PXN: variants seen among roughly 807,000 people sequenced by gnomAD.
PXN encodes testicular tissue protein Li 134.
In PXN, 61 loss-of-function variants were observed where a neutral mutation model predicts 103.6. The observed-to-expected ratio is 0.59, with a 90% CI of 0.48 to 0.73. PXN has a LOEUF of 0.73. Ranked by LOEUF, PXN falls within the 30% of genes least tolerant of loss-of-function variation. The pLI, the probability that PXN is intolerant of heterozygous loss-of-function variation, is 0.00. For synonymous variants in PXN, 562 were observed against 607.8 expected (o/e 0.92, Z 1.11); for missense variants, 1,274 against 1,460.3 (o/e 0.87, Z 2.08).
rs1448876221 is a variant in PXN, at chr12:120,222,845, C to G, written c.493+18G>C. The G allele has an allele frequency of 1.2e-6, 2 of 1,612,580 alleles. No individual in the cohort carries two copies. The highest frequency in any genetic ancestry group is 1.7e-6 in the Non-Finnish European group (2 of 1,179,260). On this transcript the variant is annotated intron_variant, in intron 4 of 14. Coordinates refer to ENST00000637617, the MANE Select transcript of PXN (RefSeq NM_001385981.1). The surrounding 1 kb of genome is among the most constrained non-coding windows in gnomAD (Gnocchi z 4.7). ...GCCCTGGGCCCTGGTAGACCCTGCC[C>G]CAGGGACCCGGTCCTACCTGCAGGG...
chr12:120,238,163 T>C (rs1328062482), intron 1 of PXN, among the ~76,000 whole-genome samples: 1 of 152,098 alleles, frequency 6.6e-6, no homozygotes, highest in Non-Finnish European at 1.5e-5. Flanking sequence ...GATATTTTCC[T>C]GAAACAAAAA....
intron 3 of PXN, 112 bp downstream of exon 3, chr12:120,223,606 A>C (rs911146518): frequency 3.9e-6 from 3 of 764,918 alleles, no homozygotes; most frequent in Non-Finnish European, 6.2e-6. Flanking sequence ...GAATAACCCC[A>C]CAAGGCCCAG....
Position 120,229,412 on chromosome 12 carries a change from G to C in PXN, c.14-5035C>G, listed in dbSNP as rs922875401. Among the ~76,000 whole-genome samples, 6 of 152,138 alleles carry C rather than the reference G, an allele frequency of 3.9e-5. No homozygotes were observed. The highest frequency in any genetic ancestry group is 7.3e-5 in the Non-Finnish European group (5 of 68,028). On this transcript the variant is annotated intron_variant, in intron 1 of 14. Transcript: ENST00000637617. This position sits in a 1 kb window ranked among gnomAD's most constrained non-coding sequence, Gnocchi z 4.0. ...GGAGATAAAAGTCCATCTCTCTGAG[G>C]GGGTGGGAGGACCCAGAGCGATTCC...
chr12:120,248,449 T>C (rs1314297480), intron 1 of PXN, among the ~76,000 whole-genome samples: 1 of 149,246 alleles, frequency 6.7e-6, no homozygotes, highest in African/African-American at 2.5e-5. Context: ...TTTCCTCAAT[T>C]ACTGCACCCC....
Position 120,215,686 on chromosome 12 carries a change from T to G in PXN, c.2302-25A>C. On this transcript the variant is annotated intron_variant, in intron 9 of 14. Coordinates refer to ENST00000637617, the MANE Select transcript of PXN (RefSeq NM_001385981.1). This position sits in a 1 kb window ranked among gnomAD's most constrained non-coding sequence, Gnocchi z 4.9. ...TCTTAGATAGGGGAAGAGATGAGGG[T>G]AAGAAATCTTTTTTAAAAATTAAGA... The G allele has an allele frequency of 6.4e-7, 1 of 1,571,690 alleles. No individual in the cohort carries two copies. Among genetic ancestry groups the G allele is most frequent in the East Asian group, 2.3e-5 (1 of 44,068 alleles).
Position 120,213,958 on chromosome 12 carries a change from G to T in PXN, c.2863C>A (p.Arg955Ser). ...FHEKDGKAYC[R>S]KDYFDMFAPK... ...GCGAACATGTCGAAGTAGTCCTTGC[G>T]ACAGTAGGCCTTGCCGTCCTTCTCG... is the stretch of plus-strand genomic sequence containing the variant. The change falls in exon 14 of 15, where the codon CGC becomes AGC. Residue 955 changes from arginine (R) to serine (S), a missense_variant. This residue lies in a region of PXN where 1,178 missense variants were observed against 1,309.0 expected (regional missense o/e 0.90). Coordinates refer to ENST00000637617, the MANE Select transcript of PXN (RefSeq NM_001385981.1). The surrounding 1 kb of genome is among the most constrained non-coding windows in gnomAD (Gnocchi z 4.2). The T allele has an allele frequency of 6.2e-7, 1 of 1,612,620 alleles. No homozygotes were observed. Among genetic ancestry groups the T allele is most frequent in the Middle Eastern group, 1.7e-4 (1 of 6,060 alleles).
chr12:120,221,703 T>A lies in PXN; in HGVS notation c.751A>T (p.Thr251Ser). 1 of 1,570,872 alleles carries A rather than the reference T, an allele frequency of 6.4e-7. No homozygotes were observed. Among genetic ancestry groups the A allele is most frequent in the Non-Finnish European group, 8.6e-7 (1 of 1,158,406 alleles). ...GCCGAGATGCGTGTCTGCTGTTGGG[T>A]GGAGGTGACGCGCTGCGGGCTGCTC... ...EMSSPQRVTS[T>S]QQQTRISASS... Residue 251 changes from threonine (T) to serine (S), a missense_variant, in exon 6 of 15, where the codon ACC becomes TCC. Around this residue, in one of 2 missense-constraint regions of PXN, gnomAD observed 1,178 missense variants for 1,309.0 expected, o/e 0.90. Coordinates refer to ENST00000637617, the MANE Select transcript of PXN (RefSeq NM_001385981.1). This position sits in a 1 kb window ranked among gnomAD's most constrained non-coding sequence, Gnocchi z 6.6.
intron 1 of PXN, among the ~76,000 whole-genome samples, chr12:120,232,994 G>A (rs1888353611): frequency 6.6e-6 from 1 of 152,112 alleles, no homozygotes; most frequent in South Asian, 2.1e-4. Context: ...TGGTCACTAA[G>A]TCACATCAAT....
rs891354309 is a variant in PXN at position 120,222,406 on chromosome 12, G to A, written c.695+143C>T. On this transcript the variant is annotated intron_variant, in intron 5 of 14. Coordinates refer to ENST00000637617, the MANE Select transcript of PXN (RefSeq NM_001385981.1). The surrounding 1 kb of genome is among the most constrained non-coding windows in gnomAD (Gnocchi z 4.7). ...CTGAAGGCAGGGATGGTGTCCATGT[G>A]ACTCACCACTATCCCCCCAGTGCCT... The A allele has an allele frequency of 1.1e-6, 1 of 949,920 alleles. No individual in the cohort carries two copies. The highest frequency in any genetic ancestry group is 1.5e-6 in the Non-Finnish European group (1 of 652,450). The allele number at this position is 949,920 out of a possible 1,614,324, so 58.8% of individuals were successfully genotyped here.
At chr12:120,255,682 A>C (rs1328330320) in intron 1 of PXN, among the ~76,000 whole-genome samples, 1 of 151,952 alleles carries the variant, frequency 6.6e-6, no homozygotes, top group Non-Finnish European at 1.5e-5. Flanking sequence ...TGACAGAGAA[A>C]GACTCTGTCT....
In PXN at chr12:120,217,938, T is replaced by C. The variant is rs2136231164; in HGVS notation, c.1717-822A>G. On this transcript the variant is annotated intron_variant, in intron 7 of 14. Coordinates refer to ENST00000637617, the MANE Select transcript of PXN (RefSeq NM_001385981.1). This position sits in a 1 kb window ranked among gnomAD's most constrained non-coding sequence, Gnocchi z 4.1. Reference sequence around the variant, plus strand: ...TAACTAGTTTTTTTTTTCTTATTTATATTATTATGCTAATATTATATTATG... The same window carrying C: ...TAACTAGTTTTTTTTTTCTTATTTACATTATTATGCTAATATTATATTATG... Among the ~76,000 whole-genome samples the C allele has an allele frequency of 6.6e-6, 1 of 151,734 alleles. No individual in the cohort carries two copies. Among genetic ancestry groups the C allele is most frequent in the South Asian group, 2.1e-4 (1 of 4,808 alleles).
intron 1 of PXN, among the ~76,000 whole-genome samples, chr12:120,244,232 T>C (rs1051588957): frequency 6.7e-6 from 1 of 150,146 alleles, no homozygotes; most frequent in Non-Finnish European, 1.5e-5. Context: ...AACAAAAAAA[T>C]AGCTGGGCAT....
chr12:120,243,954 A>G (rs1566422878), intron 1 of PXN, among the ~76,000 whole-genome samples: 1 of 151,952 alleles, frequency 6.6e-6, no homozygotes, highest in African/African-American at 2.4e-5. Context: ...CTAGCATATA[A>G]TAGGGGCTCC....
At position 120,224,441 on chromosome 12, in the gene PXN, GCCCT is replaced by G; in HGVS notation, c.14-68_14-65del. ...ATCCTGGGGACTCTCCCGTGGCAGG[GCCCT>G]CCCTGCCTGCACCTCAAGAGTTAAT... On this transcript the variant is annotated intron_variant, in intron 1 of 14. Transcript: ENST00000637617. The surrounding 1 kb of genome is among the most constrained non-coding windows in gnomAD (Gnocchi z 5.0). The G allele has an allele frequency of 1.2e-5, 14 of 1,160,890 alleles. No individual in the cohort carries two copies. The highest frequency in any genetic ancestry group is 2.3e-5 in the East Asian group (1 of 42,846). 71.9% of individuals were successfully genotyped at this position (1,160,890 alleles called of 1,614,324 possible). A position where few individuals can be genotyped will look rare whatever the true frequency, so the allele number is the denominator to read the frequency against.
intron 1 of PXN, among the ~76,000 whole-genome samples, chr12:120,254,334 TG>T (rs1396294074): frequency 8.5e-5 from 13 of 152,146 alleles, no homozygotes; most frequent in Admixed American, 7.9e-4. Context: ...ATCTAATGTA[TG>T]ATATGAGGGC....
At chr12:120,230,048 C>T (rs928486361) in intron 1 of PXN, among the ~76,000 whole-genome samples, 2 of 152,204 alleles carry the variant, frequency 1.3e-5, no homozygotes, top group Non-Finnish European at 2.9e-5. Flanking sequence ...GAGAGGCCCA[C>T]GTAAGAACAA....
Position 120,219,331 on chromosome 12 carries a change from G to T in PXN, c.1592C>A (p.Thr531Asn). Reference sequence around the variant, plus strand: ...CGTGGTGCCCTCTGGGCTCCTTGGGGTTTCAGGTCCCTGGGTTGGCCTGGC... The same window carrying T: ...CGTGGTGCCCTCTGGGCTCCTTGGGTTTTCAGGTCCCTGGGTTGGCCTGGC... ...SVARPTQGPETPRSPEGTTEA... is the reference protein window; with the variant it reads ...SVARPTQGPENPRSPEGTTEA... The change falls in exon 7 of 15, where the codon ACC becomes AAC. Residue 531 changes from threonine to asparagine, a missense_variant. This residue lies in a region of PXN where 1,178 missense variants were observed against 1,309.0 expected (regional missense o/e 0.90). Coordinates refer to ENST00000637617, the MANE Select transcript of PXN (RefSeq NM_001385981.1). The surrounding 1 kb of genome is among the most constrained non-coding windows in gnomAD (Gnocchi z 6.5). 6.3e-7 allele frequency: 1 copy of T among 1,598,446 alleles called. No individual in the cohort carries two copies. The highest frequency in any genetic ancestry group is 8.5e-7 in the Non-Finnish European group (1 of 1,179,816).
rs982501276 is a variant in PXN, at chr12:120,216,072, C to A, written c.2301+201G>T. 13 of 1,307,894 alleles carry A rather than the reference C, an allele frequency of 9.9e-6. No homozygotes were observed. The highest frequency in any genetic ancestry group is 2.0e-4 in the Middle Eastern group (1 of 5,058). 81.0% of individuals were successfully genotyped at this position (1,307,894 alleles called of 1,614,324 possible). On this transcript the variant is annotated intron_variant, in intron 9 of 14. Coordinates refer to ENST00000637617, the MANE Select transcript of PXN (RefSeq NM_001385981.1). This position sits in a 1 kb window ranked among gnomAD's most constrained non-coding sequence, Gnocchi z 5.1. The stretch of plus-strand genomic sequence containing the variant: ...AGACATGGGTGGACCCACAGAAAAG[C>A]AAGAGGGCAGCGGACCTTCTGAGTG...
chr12:120,238,386 G>A (rs909601629), intron 1 of PXN, among the ~76,000 whole-genome samples: 1 of 152,174 alleles, frequency 6.6e-6, no homozygotes, highest in South Asian at 2.1e-4. Flanking sequence ...GCCTGTGCCC[G>A]GGGGTTCATG....
Sources: gnomAD v4.1 joint callset for allele counts (sites outside exome capture counted in the v4.1 genomes callset) on GRCh38, gnomAD v4.1.1 for gene constraint, gnomAD v4.1.1 regional missense constraint, Gnocchi (gnomAD v3.1) non-coding constraint, MANE v1.5 for transcripts, NCBI Gene and HGNC (gene_info 2026-07-23, HGNC 2026-07-21) for gene names.